The following HNF4G variants were observed in gnomAD, a reference collection of about 807,000 sequenced individuals.
HNF4G encodes the protein hepatocyte nuclear factor 4-gamma.
Under a neutral mutation model 50.9 loss-of-function variants are expected in HNF4G, and 21 were observed. That is an observed-to-expected ratio of 0.41 (90% CI 0.29 to 0.59). The LOEUF is 0.59. Ranked by LOEUF, HNF4G falls within the 20% of genes least tolerant of loss-of-function variation. The probability of loss-of-function intolerance (pLI) is 0.26; values close to 1 mark genes in which losing one functional copy is unlikely to be tolerated. For missense variants in HNF4G, 527 were observed against 559.4 expected (o/e 0.94, Z 0.58); for synonymous variants, 198 against 185.6 (o/e 1.07, Z -0.54).
At chr8:75,517,066 G>A (rs778159330) in intron 2 of HNF4G, among the ~76,000 whole-genome samples, 1 of 152,138 alleles carries the variant, frequency 6.6e-6, no homozygotes, top group African/African-American at 2.4e-5. Context: ...AGGCAAGAGA[G>A]CATGTGTAAG....
At chr8:75,474,921 C>T (rs530037965) in intron 1 of HNF4G, among the ~76,000 whole-genome samples, 2 of 152,174 alleles carry the variant, frequency 1.3e-5, no homozygotes, top group Admixed American at 1.3e-4. Flanking sequence ...TGGTCTTGAT[C>T]TCTTGACCTC....
At chr8:75,472,194 G>T (rs1039071203) in intron 1 of HNF4G, among the ~76,000 whole-genome samples, 2 of 151,904 alleles carry the variant, frequency 1.3e-5, no homozygotes, top group Admixed American at 1.3e-4. Context: ...TCTCAACTTT[G>T]TGTGACAGAA....
chr8:75,538,963 G>A (rs1806539377), upstream of HNF4G, among the ~76,000 whole-genome samples: 2 of 152,168 alleles, frequency 1.3e-5, no homozygotes, highest in Admixed American at 1.3e-4. Context: ...AATTTATAAT[G>A]TAAATGGGGC....
At chr8:75,477,393 C>T (rs1179566629) in intron 1 of HNF4G, among the ~76,000 whole-genome samples, 1 of 152,070 alleles carries the variant, frequency 6.6e-6, no homozygotes, top group East Asian at 1.9e-4. Flanking sequence ...GGATCCTCTA[C>T]ATTTACAGTC....
At chr8:75,548,679 T>C (rs1162248147) in intron 3 of HNF4G, among the ~76,000 whole-genome samples, 3 of 152,224 alleles carry the variant, frequency 2.0e-5, no homozygotes, top group Non-Finnish European at 2.9e-5. Context: ...TTTATACTTG[T>C]CAGTTTTGCT....
chr8:75,493,705 T>G (rs1324812259), intron 2 of HNF4G, among the ~76,000 whole-genome samples: 2 of 152,210 alleles, frequency 1.3e-5, no homozygotes, highest in Non-Finnish European at 2.9e-5. Context: ...AGCTTCATAG[T>G]GTTTTTTACC....
chr8:75,501,091 G>A (rs1812913889), intron 2 of HNF4G, among the ~76,000 whole-genome samples: 1 of 151,696 alleles, frequency 6.6e-6, no homozygotes, highest in Non-Finnish European at 1.5e-5. Context: ...GACTAACAAG[G>A]GAAGAATAAT....
Position 75,564,032 on chromosome 8 carries a change from A to G in HNF4G, c.1304A>G (p.Lys435Arg). The change falls in exon 10 of 10, where the codon AAA becomes AGA. Residue 435 changes from lysine to arginine, a missense_variant. By Grantham distance (26) the Lys-to-Arg change is conservative. Around this residue, in one of 5 missense-constraint regions of HNF4G, gnomAD observed 308 missense variants for 301.5 expected, o/e 1.02. Transcript: ENST00000396423. ...PPQGSGQEQY[K>R]IAANQASVIS... Reference sequence around the variant, plus strand: ...CAAGGCTCTGGGCAAGAACAGTACAAAATAGCTGCAAACCAAGCATCAGTC... The same window carrying G: ...CAAGGCTCTGGGCAAGAACAGTACAGAATAGCTGCAAACCAAGCATCAGTC... 6.2e-7 allele frequency: 1 copy of G among 1,613,758 alleles called. No individual in the cohort carries two copies. The highest frequency in any genetic ancestry group is 2.2e-5 in the East Asian group (1 of 44,858).
In HNF4G at chr8:75,554,858, G is replaced by T. The variant is rs1335938940; in HGVS notation, c.646-1124G>T. On this transcript the variant is annotated intron_variant, in intron 5 of 9. Transcript: ENST00000396423. ...AAAATGAGAAGAGATACTTTAAACT[G>T]AGGACCAGAGAAGTTATTGCCTGAG... 2.6e-5 allele frequency among the ~76,000 whole-genome samples: 4 copies of T among 152,200 alleles called. No individual in the cohort carries two copies. In the South Asian group the frequency reaches 8.3e-4, roughly 31 times the overall value.
intron 5 of HNF4G, among the ~76,000 whole-genome samples, chr8:75,554,366 C>T (rs1292033525): frequency 1.3e-5 from 2 of 152,068 alleles, no homozygotes; most frequent in Admixed American, 6.6e-5. Flanking sequence ...AATCCAGTAA[C>T]CAGTGAAAAA....
intron 2 of HNF4G, among the ~76,000 whole-genome samples, chr8:75,501,408 T>G (rs1173096655): frequency 6.6e-6 from 1 of 152,170 alleles, no homozygotes; most frequent in Non-Finnish European, 1.5e-5. Context: ...GCCACTGCAC[T>G]CCAGCCCAGC....
chr8:75,563,378 C>T (rs1423472223), intron 9 of HNF4G, among the ~76,000 whole-genome samples: 3 of 151,040 alleles, frequency 2.0e-5, no homozygotes, highest in Non-Finnish European at 4.4e-5. Context: ...TTGCTCTTTG[C>T]ATCAAAGGGG....
At chr8:75,544,046 G>A (rs1806700773) in intron 2 of HNF4G, 67 bp downstream of exon 2, 1 of 1,400,224 alleles carries the variant, frequency 7.1e-7, no homozygotes, top group South Asian at 1.4e-5. Context: ...CAAAAAGTAA[G>A]AGAAGAAAAT....
chr8:75,549,165 GTGT>G (rs929315670), intron 3 of HNF4G, among the ~76,000 whole-genome samples: 2 of 152,140 alleles, frequency 1.3e-5, no homozygotes, highest in Non-Finnish European at 1.5e-5. Context: ...ATAAAAGAAT[GTGT>G]TATTTTCTTA....
intron 1 of HNF4G, among the ~76,000 whole-genome samples, chr8:75,412,769 A>G (rs1006806032): frequency 1.3e-5 from 2 of 152,216 alleles, no homozygotes; most frequent in East Asian, 3.9e-4. Context: ...ACAGGTTCCA[A>G]ATAAAGTTAA....
At chr8:75,509,212 G>A (rs1300102509) in intron 2 of HNF4G, among the ~76,000 whole-genome samples, 1 of 152,186 alleles carries the variant, frequency 6.6e-6, no homozygotes, top group Admixed American at 6.5e-5. Context: ...GTGTGCTCTA[G>A]ATGGCTGGAA....
At chr8:75,493,635 T>G (rs995454632) in intron 2 of HNF4G, among the ~76,000 whole-genome samples, 2 of 152,298 alleles carry the variant, frequency 1.3e-5, no homozygotes, top group Middle Eastern at 3.4e-3. Flanking sequence ...TAAAAAAGTA[T>G]ATTTTTAAAT....
upstream of HNF4G, among the ~76,000 whole-genome samples, chr8:75,538,868 C>T (rs965444834): frequency 6.6e-6 from 1 of 152,088 alleles, no homozygotes; most frequent in Non-Finnish European, 1.5e-5. Context: ...ACAATAGTTT[C>T]TAAGACAGAG....
intron 1 of HNF4G, among the ~76,000 whole-genome samples, chr8:75,447,042 C>T (rs1182398083): frequency 2.8e-5 from 4 of 144,306 alleles, no homozygotes; most frequent in African/African-American, 1.1e-4. Context: ...TACTACAAGG[C>T]TACAGTAACC....
Sources: gnomAD v4.1 joint callset for allele counts (sites outside exome capture counted in the v4.1 genomes callset) on GRCh38, gnomAD v4.1.1 for gene constraint, gnomAD v4.1.1 regional missense constraint, MANE v1.5 for transcripts, NCBI Gene and HGNC (gene_info 2026-07-23, HGNC 2026-07-21) for gene names.